Variants in SHTN1 observed in about 807,000 individuals in gnomAD.
SHTN1 encodes shootin-1.
Under a neutral mutation model 83.1 loss-of-function variants are expected in SHTN1, and 42 were observed. The ratio of observed to expected loss-of-function variants is 0.51; its 90% confidence interval spans 0.39 to 0.65. The LOEUF is 0.65. SHTN1 is among the 30% of genes least tolerant of loss of function. The pLI, the probability that SHTN1 is intolerant of heterozygous loss-of-function variation, is 0.00. For missense variants in SHTN1, 622 were observed against 737.8 expected (o/e 0.84, Z 1.82); for synonymous variants, 224 against 247.7 (o/e 0.90, Z 0.90).
At chr10:117,119,822 A>C (rs1589940100) in intron 1 of SHTN1, among the ~76,000 whole-genome samples, 1 of 148,088 alleles carries the variant, frequency 6.8e-6, no homozygotes, top group Admixed American at 6.9e-5. Context: ...GTACCTATAC[A>C]CAATGGGTAC....
chr10:117,039,479 C>T (rs1302493646), intron 2 of SHTN1, among the ~76,000 whole-genome samples: 5 of 152,092 alleles, frequency 3.3e-5, no homozygotes, highest in Non-Finnish European at 7.4e-5. Flanking sequence ...AAACTATGGA[C>T]TATGGGTGAT....
Position 116,987,408 on chromosome 10 carries a change from GATAA to G in SHTN1, c.59-8104_59-8101del, listed in dbSNP as rs769235401. Among the ~76,000 whole-genome samples the G allele has an allele frequency of 5.9e-5, 9 of 152,130 alleles. 1 individual carries two copies. The South Asian group carries it at 6.2e-4, about 10-fold the overall frequency. On this transcript the variant is annotated intron_variant, in intron 1 of 16. Coordinates refer to ENST00000355371, the MANE Select transcript of SHTN1 (RefSeq NM_001127211.3). ...CAAGACGTTCTTCAATAGGTGAATG[GATAA>G]ATAAACTGTGGTACATCCAGATAAC...
rs1257365219 is a variant in SHTN1, at chr10:116,979,337, A to C, written c.59-29T>G. ...AAAGAAAAAAGGAAAGCAACATTAC[A>C]ACACTGTCAAAAGTTTACTGCAGGG... On this transcript the variant is annotated intron_variant, in intron 1 of 16. Transcript: ENST00000355371. 4.4e-6 allele frequency: 7 copies of C among 1,600,366 alleles called. No individual in the cohort carries two copies. The African/African-American group carries it at 8.0e-5, about 18-fold the overall frequency.
At chr10:116,992,442 T>C in intron 1 of SHTN1, among the ~76,000 whole-genome samples, 1 of 152,204 alleles carries the variant, frequency 6.6e-6, no homozygotes, top group East Asian at 1.9e-4. Flanking sequence ...AAATCTCACC[T>C]ATTCATCTCA....
At position 117,116,891 on chromosome 10, in the gene SHTN1, A is replaced by G. The variant is rs140385716; in HGVS notation, c.-189+9416T>C. Reference sequence around the variant, plus strand: ...TCATAAAAAATGCTCATCAAATTATATATAGCAGGAATATACCTCAAAATA... The same window carrying G: ...TCATAAAAAATGCTCATCAAATTATGTATAGCAGGAATATACCTCAAAATA... On this transcript the variant is annotated intron_variant, in intron 1 of 17. Transcript: ENST00000392901. Among the ~76,000 whole-genome samples the G allele has an allele frequency of 2.2e-4, 34 of 152,224 alleles. No individual in the cohort carries two copies. The East Asian group carries it at 6.2e-3, about 28-fold the overall frequency.
At chr10:116,915,235 G>A (rs1170139453) in intron 13 of SHTN1, 140 bp downstream of exon 13, 2 of 594,950 alleles carry the variant, frequency 3.4e-6, no homozygotes, top group Non-Finnish European at 6.0e-6. Flanking sequence ...TGCTTATGTG[G>A]AAGTAAAAGC....
intron 1 of SHTN1, among the ~76,000 whole-genome samples, chr10:116,993,209 G>A (rs1408485513): frequency 6.6e-6 from 1 of 151,722 alleles, no homozygotes; most frequent in Non-Finnish European, 1.5e-5. Context: ...TAGAGACAAG[G>A]TTTCACCGTG....
chr10:116,907,794 C>G, intron 14 of SHTN1: 1 of 473,124 alleles, frequency 2.1e-6, no homozygotes, highest in African/African-American at 2.0e-5. Flanking sequence ...TATAACTTGC[C>G]AGACTTCATG....
At chr10:117,038,964 C>T (rs933261958) in intron 2 of SHTN1, among the ~76,000 whole-genome samples, 2 of 152,164 alleles carry the variant, frequency 1.3e-5, no homozygotes, top group African/African-American at 4.8e-5. Context: ...ATACTCCTAC[C>T]ATATGATCCA....
chr10:117,038,062 T>C (rs1402671229), intron 2 of SHTN1, among the ~76,000 whole-genome samples: 1 of 147,616 alleles, frequency 6.8e-6, no homozygotes, highest in Non-Finnish European at 1.5e-5. Context: ...TAGACTTAAA[T>C]GTAAAACGTA....
chr10:116,911,391 A>G, intron 14 of SHTN1: 1 of 1,436,578 alleles, frequency 7.0e-7, no homozygotes, highest in Middle Eastern at 1.8e-4. Context: ...TTGGGGAGGA[A>G]TTTAGCTTCA....
At position 116,924,265 on chromosome 10, in the gene SHTN1, T is replaced by C. The variant is rs191084451; in HGVS notation, c.1113-2749A>G. 1.2e-3 allele frequency among the ~76,000 whole-genome samples: 185 copies of C among 152,262 alleles called. 1 individual carries two copies. Among genetic ancestry groups the C allele is most frequent in the African/African-American group, 4.2e-3 (173 of 41,548 alleles). ...GGCGGGCTGGGTGTGAGGAGGGTTC[T>C]CACTAATCAGATGCCTCACCTTACC... On this transcript the variant is annotated intron_variant, in intron 11 of 16. Coordinates refer to ENST00000355371, the MANE Select transcript of SHTN1 (RefSeq NM_001127211.3).
chr10:117,003,802 G>C (rs915148872), intron 1 of SHTN1, among the ~76,000 whole-genome samples: 21 of 152,194 alleles, frequency 1.4e-4, no homozygotes, highest in Non-Finnish European at 2.5e-4. Flanking sequence ...ACATGGTCTT[G>C]TCAGCAAGAC....
At chr10:116,938,582 C>T (rs577793310) in intron 9 of SHTN1, among the ~76,000 whole-genome samples, 10 of 152,312 alleles carry the variant, frequency 6.6e-5, no homozygotes, top group Non-Finnish European at 1.2e-4. Context: ...CTGGAGCTCT[C>T]CTGTATGAGG....
chr10:116,968,800 G>A (rs530486682), intron 2 of SHTN1, 88 bp from the exon 3 acceptor site: 3 of 983,388 alleles, frequency 3.1e-6, no homozygotes, highest in Non-Finnish European at 4.6e-6. Context: ...ATAAACAACA[G>A]CAATTTTCTG....
chr10:116,941,274 T>G (rs2133398038), intron 8 of SHTN1, among the ~76,000 whole-genome samples: 1 of 152,332 alleles, frequency 6.6e-6, no homozygotes, highest in Non-Finnish European at 1.5e-5. Flanking sequence ...ATGTTTTGTT[T>G]TAAACTAATT....
chr10:116,941,284 T>TA, intron 8 of SHTN1, among the ~76,000 whole-genome samples: 1 of 152,186 alleles, frequency 6.6e-6, no homozygotes, highest in African/African-American at 2.4e-5. Flanking sequence ...TTAAACTAAT[T>TA]AGTTTCTCCC....
At chr10:116,972,071 G>A (rs1386664678) in intron 2 of SHTN1, among the ~76,000 whole-genome samples, 5 of 152,178 alleles carry the variant, frequency 3.3e-5, no homozygotes, top group African/African-American at 1.2e-4. Context: ...AAAACGTCAG[G>A]TCCACGCTCT....
chr10:116,891,052 A>G (rs1315057558), intron 16 of SHTN1, among the ~76,000 whole-genome samples: 1 of 152,218 alleles, frequency 6.6e-6, no homozygotes, highest in Non-Finnish European at 1.5e-5. Flanking sequence ...CGTGGTTCTG[A>G]GCTCAATTGA....
Sources: allele counts gnomAD v4.1 joint callset (sites outside exome capture counted in the v4.1 genomes callset), GRCh38; gene constraint gnomAD v4.1.1; transcripts MANE v1.5; gene names NCBI Gene and HGNC (gene_info 2026-07-23, HGNC 2026-07-21).